DSCAM: variants seen among roughly 807,000 people sequenced by gnomAD.
DSCAM encodes DS cell adhesion molecule, also known as cell adhesion molecule DSCAM.
A neutral mutation model predicts 217.7 loss-of-function variants in DSCAM; 47 were observed. That is an observed-to-expected ratio of 0.22 (90% CI 0.17 to 0.28). DSCAM has a LOEUF of 0.28. DSCAM is among the 10% of genes least tolerant of loss of function. DSCAM has a pLI of 1.00. For missense variants in DSCAM, 2,080 were observed against 2,618.3 expected (o/e 0.79, Z 4.49); for synonymous variants, 1,056 against 1,015.3 (o/e 1.04, Z -0.76).
At chr21:40,565,817 C>G (rs2076759837) in intron 3 of DSCAM, among the ~76,000 whole-genome samples, 2 of 152,216 alleles carry the variant, frequency 1.3e-5, no homozygotes. Context: ...TCACAAATGT[C>G]TGCCTCCAAA....
chr21:40,057,990 C>T (rs932028426), intron 28 of DSCAM, among the ~76,000 whole-genome samples: 5 of 150,832 alleles, frequency 3.3e-5, no homozygotes, highest in African/African-American at 9.8e-5. Context: ...ATTCTCCTTC[C>T]TCAGCCTCCC....
chr21:40,438,848 C>T (rs1220747537), intron 3 of DSCAM, among the ~76,000 whole-genome samples: 1 of 152,160 alleles, frequency 6.6e-6, no homozygotes, highest in Non-Finnish European at 1.5e-5. Context: ...TTCACCCCTA[C>T]ACACTCTAGG....
At chr21:40,723,090 CTT>C (rs3071003) in intron 1 of DSCAM, among the ~76,000 whole-genome samples, 33 of 139,486 alleles carry the variant, frequency 2.4e-4, no homozygotes, top group Non-Finnish European at 2.4e-4. Context: ...CTCTCTCGCT[CTT>C]TTTTTTTTTT....
intron 3 of DSCAM, among the ~76,000 whole-genome samples, chr21:40,523,349 C>T (rs371115001): frequency 2.0e-4 from 31 of 152,226 alleles, no homozygotes; most frequent in African/African-American, 6.7e-4. Flanking sequence ...GAGACTCTAG[C>T]GGGCACGCAC....
chr21:40,511,641 T>C (rs1006457118), intron 3 of DSCAM, among the ~76,000 whole-genome samples: 1 of 152,050 alleles, frequency 6.6e-6, no homozygotes, highest in Non-Finnish European at 1.5e-5. Context: ...GCACTTCCAG[T>C]AAAACACTCT....
intron 3 of DSCAM, among the ~76,000 whole-genome samples, chr21:40,470,486 C>A (rs948770016): frequency 6.6e-6 from 1 of 152,212 alleles, no homozygotes; most frequent in African/African-American, 2.4e-5. Flanking sequence ...TCTTCTCCAG[C>A]GCCTTCAACT....
chr21:40,764,361 A>G (rs1052539761), intron 1 of DSCAM, among the ~76,000 whole-genome samples: 5 of 152,028 alleles, frequency 3.3e-5, no homozygotes, highest in African/African-American at 1.2e-4. Context: ...GCTCATCATC[A>G]CTGGTCATTA....
chr21:40,171,376 C>T (rs1158231294), intron 15 of DSCAM, among the ~76,000 whole-genome samples: 1 of 152,138 alleles, frequency 6.6e-6, no homozygotes, highest in African/African-American at 2.4e-5. Context: ...CCATGCCAGG[C>T]CCAGGTCTGG....
intron 3 of DSCAM, among the ~76,000 whole-genome samples, chr21:40,606,617 A>C (rs1261003235): frequency 6.6e-6 from 1 of 152,222 alleles, no homozygotes; most frequent in Non-Finnish European, 1.5e-5. Flanking sequence ...GCCCAAGGTC[A>C]CACAGCCAGG....
chr21:40,460,642 G>T (rs1289500509), intron 3 of DSCAM, among the ~76,000 whole-genome samples: 2 of 152,162 alleles, frequency 1.3e-5, no homozygotes, highest in Non-Finnish European at 2.9e-5. Flanking sequence ...CCAAAAACAT[G>T]ATGGATGAGG....
In DSCAM at chr21:40,360,413, T is replaced by C. The variant is rs561799387; in HGVS notation, c.656-6670A>G. 4.6e-5 allele frequency among the ~76,000 whole-genome samples: 7 copies of C among 151,970 alleles called. No homozygotes were observed. In the South Asian group the frequency reaches 1.5e-3, roughly 32 times the overall value. On this transcript the variant is annotated intron_variant, in intron 4 of 32. Transcript: ENST00000400454. ...CCTCCCAAAGTGCTGGGATTACAGG[T>C]GTGAGCCACTGTGCCTGGCCCTTGA...
intron 11 of DSCAM, among the ~76,000 whole-genome samples, chr21:40,230,927 C>G (rs1446441037): frequency 6.6e-6 from 1 of 151,954 alleles, no homozygotes; most frequent in Non-Finnish European, 1.5e-5. Flanking sequence ...GATGTCCCCA[C>G]AACCCCCACC....
intron 27 of DSCAM, among the ~76,000 whole-genome samples, chr21:40,064,962 G>A (rs1232400209): frequency 2.0e-5 from 3 of 152,156 alleles, no homozygotes; most frequent in Non-Finnish European, 4.4e-5. Flanking sequence ...GAATGTGGAG[G>A]TGGGGGCCTG....
chr21:40,036,068 G>T (rs1450342133), intron 32 of DSCAM, among the ~76,000 whole-genome samples: 2 of 126,734 alleles, frequency 1.6e-5, no homozygotes, highest in African/African-American at 3.1e-5. Flanking sequence ...AAGCAGGAAA[G>T]ATCCAAAATT....
In DSCAM at chr21:40,663,058, T is replaced by C. The variant is rs968263232; in HGVS notation, c.508+29752A>G. 3.2e-4 allele frequency among the ~76,000 whole-genome samples: 16 copies of C among 50,498 alleles called. No homozygotes were observed. The East Asian group carries it at 0.012, about 38-fold the overall frequency. 33.1% of individuals were successfully genotyped at this position (50,498 alleles called of 152,430 possible). On this transcript the variant is annotated intron_variant, in intron 3 of 32. Coordinates refer to ENST00000400454, the MANE Select transcript of DSCAM (RefSeq NM_001389.5). Reference sequence around the variant, plus strand: ...GTGTGCACATGTGAGTGTGTGTGTGTGCGCACCTGTGTGTATGCCAGTATG... The same window carrying C: ...GTGTGCACATGTGAGTGTGTGTGTGCGCGCACCTGTGTGTATGCCAGTATG...
chr21:40,550,402 G>A (rs913750006), intron 3 of DSCAM, among the ~76,000 whole-genome samples: 2 of 152,146 alleles, frequency 1.3e-5, no homozygotes, highest in African/African-American at 4.8e-5. Context: ...GCACGCGCCT[G>A]TAATCCCAGC....
chr21:40,413,989 T>C (rs975716505), intron 3 of DSCAM, among the ~76,000 whole-genome samples: 6 of 152,318 alleles, frequency 3.9e-5, no homozygotes, highest in South Asian at 4.1e-4. Flanking sequence ...AAGTAGCTCA[T>C]AGACCTAAAT....
intron 11 of DSCAM, among the ~76,000 whole-genome samples, chr21:40,242,968 G>A (rs1295310708): frequency 1.3e-5 from 2 of 152,286 alleles, no homozygotes; most frequent in East Asian, 3.9e-4. Flanking sequence ...TGTCCTTGAA[G>A]GTGACCCCTT....
chr21:40,742,119 G>C (rs56407224), intron 1 of DSCAM, among the ~76,000 whole-genome samples: 11,127 of 152,158 alleles, frequency 0.073, 500 homozygotes, highest in Non-Finnish European at 0.088. Context: ...TGAAGTCCAA[G>C]GTAACCTTGG....
Sources: allele counts gnomAD v4.1 joint callset (sites outside exome capture counted in the v4.1 genomes callset), GRCh38; gene constraint gnomAD v4.1.1; transcripts MANE v1.5; gene names NCBI Gene and HGNC (gene_info 2026-07-23, HGNC 2026-07-21).